PLCH1: variants seen among roughly 807,000 people sequenced by gnomAD.
PLCH1 encodes phospholipase C eta 1, also known as 1-phosphatidylinositol 4,5-bisphosphate phosphodiesterase eta-1.
PLCH1 carries 60 observed loss-of-function variants against 126.7 expected under a neutral mutation model. The ratio of observed to expected loss-of-function variants is 0.47; its 90% CI spans 0.38 to 0.59. The LOEUF (loss-of-function observed/expected upper bound fraction) is 0.59, where lower values mean the gene tolerates loss of function less well. Among genes scored for constraint, PLCH1 ranks in the 20% least tolerant of loss-of-function variants. The pLI is 0.00. For missense variants in PLCH1, 1,723 were observed against 2,040.0 expected (o/e 0.84, Z 2.99); for synonymous variants, 719 against 734.9 (o/e 0.98, Z 0.35).
chr3:155,736,608 T>C (rs1164121716), intron 1 of PLCH1, among the ~76,000 whole-genome samples: 1 of 152,188 alleles, frequency 6.6e-6, no homozygotes, highest in Non-Finnish European at 1.5e-5. Flanking sequence ...TTGCAGCCAA[T>C]AGTGATGCTT....
intron 2 of PLCH1, among the ~76,000 whole-genome samples, chr3:155,653,385 T>C (rs966872346): frequency 6.6e-6 from 1 of 152,200 alleles, no homozygotes. Flanking sequence ...TTTCACCTTA[T>C]TGGGAGGTCC....
At chr3:155,540,937 AC>A (rs1203931580) in intron 10 of PLCH1, among the ~76,000 whole-genome samples, 1 of 152,188 alleles carries the variant, frequency 6.6e-6, no homozygotes, top group Non-Finnish European at 1.5e-5. Flanking sequence ...ACACTTGTAC[AC>A]ATATTTTTAG....
chr3:155,613,025 A>AAC (rs1274524262), intron 2 of PLCH1, among the ~76,000 whole-genome samples: 1 of 152,150 alleles, frequency 6.6e-6, no homozygotes, highest in Non-Finnish European at 1.5e-5. Context: ...TGAACAACTT[A>AAC]ACACACACAA....
chr3:155,633,412 TCA>T (rs59152066), intron 2 of PLCH1, among the ~76,000 whole-genome samples: 5,373 of 142,152 alleles, frequency 0.038, 138 homozygotes, highest in African/African-American at 0.072. Flanking sequence ...TTATATAACA[TCA>T]CACACACACA....
intron 10 of PLCH1, among the ~76,000 whole-genome samples, chr3:155,549,539 T>A (rs939766645): frequency 1.3e-5 from 2 of 152,156 alleles, no homozygotes; most frequent in African/African-American, 4.8e-5. Context: ...ATATCAAACA[T>A]TTGGCTTACA....
At chr3:155,471,120 A>G (rs1713204882) in intron 21 of PLCH1, among the ~76,000 whole-genome samples, 1 of 152,094 alleles carries the variant, frequency 6.6e-6, no homozygotes, top group Admixed American at 6.5e-5. Flanking sequence ...CAATTAAAAG[A>G]CACAGACTGG....
chr3:155,609,572 T>A (rs1289734343), intron 2 of PLCH1, among the ~76,000 whole-genome samples: 1 of 151,840 alleles, frequency 6.6e-6, no homozygotes, highest in Non-Finnish European at 1.5e-5. Context: ...AAAAAAGAAT[T>A]CATAAGGTAG....
intron 2 of PLCH1, among the ~76,000 whole-genome samples, chr3:155,701,264 T>C (rs533497689): frequency 6.6e-6 from 1 of 152,330 alleles, no homozygotes; most frequent in South Asian, 2.1e-4. Flanking sequence ...ATATTCTAAA[T>C]TGTTTCCAAT....
rs566456996 is a variant in PLCH1 at position 155,740,566 on chromosome 3, C to T, written c.-41+4274G>A. 3.9e-5 allele frequency among the ~76,000 whole-genome samples: 6 copies of T among 152,108 alleles called. No homozygotes were observed. In the South Asian group the frequency reaches 6.2e-4, roughly 16 times the overall value. On this transcript the variant is annotated intron_variant, in intron 1 of 22. Transcript: ENST00000460012. ...AAATAGCAAATCTAGGGCAAGGATT[C>T]GAGGCCAGGAGCAGTGGTTCATAAC...
intron 2 of PLCH1, among the ~76,000 whole-genome samples, chr3:155,608,092 G>C (rs1734581410): frequency 2.0e-5 from 3 of 152,154 alleles, no homozygotes; most frequent in Admixed American, 2.0e-4. Flanking sequence ...ACCTAGAGCT[G>C]AAATGGATTT....
intron 6 of PLCH1, among the ~76,000 whole-genome samples, chr3:155,572,246 T>C (rs1729319378): frequency 6.6e-6 from 1 of 152,202 alleles, no homozygotes. Context: ...CTCATGTGTT[T>C]TTGTGTGTGC....
At position 155,513,038 on chromosome 3, in the gene PLCH1, C is replaced by T. The variant is rs145619737; in HGVS notation, c.1632+1685G>A. ...TCATTTTTACTTTTCTTCAGAGCTC[C>T]GCAGGAAAAAGACAGGACAAGTAGA... On this transcript the variant is annotated intron_variant, in intron 12 of 22. Coordinates refer to ENST00000460012, the MANE Select transcript of PLCH1 (RefSeq NM_014996.4). 4.4e-4 allele frequency among the ~76,000 whole-genome samples: 67 copies of T among 152,218 alleles called. No individual in the cohort carries two copies. The East Asian group carries it at 5.0e-3, about 11-fold the overall frequency.
chr3:155,609,225 C>A (rs1346719778), intron 2 of PLCH1, among the ~76,000 whole-genome samples: 2 of 152,208 alleles, frequency 1.3e-5, no homozygotes, highest in East Asian at 3.8e-4. Flanking sequence ...CAGGACTCTT[C>A]GCAGACTTTC....
At position 155,504,609 on chromosome 3, in the gene PLCH1, T is replaced by C. The variant is rs778262930; in HGVS notation, c.1650A>G (p.Glu550=). 1.2e-6 allele frequency: 2 copies of C among 1,604,382 alleles called. No homozygotes were observed. The highest frequency in any genetic ancestry group is 1.1e-5 in the South Asian group (1 of 90,878). ...ATCGTCCATGTGATTTCTTTCCACTTTCCTTTACATCTGGACTCTGAATAA... is the reference window on the plus strand; with the variant it reads ...ATCGTCCATGTGATTTCTTTCCACTCTCCTTTACATCTGGACTCTGAATAA... ...AHLKQSPDVK[E]SGKKSHGRSL... The change falls in exon 13 of 23, where the codon GAA becomes GAG. Residue 550 remains glutamate (E), a synonymous_variant. Coordinates refer to ENST00000460012, the MANE Select transcript of PLCH1 (RefSeq NM_014996.4).
At chr3:155,702,510 G>C (rs898292723) in intron 2 of PLCH1, among the ~76,000 whole-genome samples, 8 of 152,066 alleles carry the variant, frequency 5.3e-5, no homozygotes, top group Non-Finnish European at 1.2e-4. Context: ...GTCCTTGAAA[G>C]GATTCCGTAT....
intron 5 of PLCH1, among the ~76,000 whole-genome samples, chr3:155,584,336 A>C (rs1296389577): frequency 6.6e-6 from 1 of 152,266 alleles, no homozygotes; most frequent in Non-Finnish European, 1.5e-5. Context: ...ATTTTTACCT[A>C]TGAGAGAATC....
intron 21 of PLCH1, among the ~76,000 whole-genome samples, chr3:155,458,540 GAAAA>G (rs1332581156): frequency 1.5e-5 from 2 of 134,328 alleles, no homozygotes; most frequent in East Asian, 2.1e-4. Flanking sequence ...GAAAGAAAAA[GAAAA>G]AGAAAGAAAG....
At chr3:155,662,350 T>G (rs548033271) in intron 2 of PLCH1, among the ~76,000 whole-genome samples, 1 of 152,170 alleles carries the variant, frequency 6.6e-6, no homozygotes, top group Admixed American at 6.5e-5. Context: ...CACCTGTAGT[T>G]CCAGCTACTT....
intron 6 of PLCH1, among the ~76,000 whole-genome samples, chr3:155,572,021 G>T (rs1195482223): frequency 1.3e-5 from 2 of 152,088 alleles, no homozygotes; most frequent in Non-Finnish European, 2.9e-5. Flanking sequence ...AACTTTTAAT[G>T]TACCTATCAC....
Sources: allele counts gnomAD v4.1 joint callset (sites outside exome capture counted in the v4.1 genomes callset), GRCh38; gene constraint gnomAD v4.1.1; transcripts MANE v1.5; gene names NCBI Gene and HGNC (gene_info 2026-07-23, HGNC 2026-07-21).